Variants in KAZN observed in about 807,000 individuals in gnomAD.
The protein encoded by KAZN is kazrin, periplakin interacting protein, also known as kazrin.
In KAZN, 40 loss-of-function variants were observed where a neutral mutation model predicts 87.4. The observed-to-expected ratio is 0.46, with a 90% confidence interval of 0.36 to 0.60. The LOEUF is 0.60. Among genes scored for constraint, KAZN ranks in the 20% least tolerant of loss-of-function variants. KAZN has a pLI of 0.00. For synonymous variants in KAZN, 466 were observed against 458.3 expected, an observed-to-expected ratio of 1.02 and a Z score of -0.22; for missense variants, 898 against 1,073.9, an observed-to-expected ratio of 0.84 and a Z score of 2.29.
At chr1:14,371,366 A>G (rs1010535827) in intron 2 of KAZN, among the ~76,000 whole-genome samples, 2 of 152,158 alleles carry the variant, frequency 1.3e-5, no homozygotes, top group Admixed American at 6.5e-5. Flanking sequence ...CCCTCTTGCA[A>G]AAGTATTTCA....
At chr1:15,089,732 CAAAAAAAAAAAAAAAAAAAAAA>C (rs56260619) in intron 8 of KAZN, among the ~76,000 whole-genome samples, 1 of 68,916 alleles carries the variant, frequency 1.5e-5, no homozygotes, top group Non-Finnish European at 3.1e-5. Context: ...CTTTTATTGG[CAAAAAAAAAAAAAAAAAAAAAA>C]AAAAAAAAGA....
intron 1 of KAZN, among the ~76,000 whole-genome samples, chr1:14,126,622 A>C (rs1644874883): frequency 7.6e-6 from 1 of 132,202 alleles, no homozygotes; most frequent in Non-Finnish European, 1.6e-5. Context: ...ACAAATGCAA[A>C]AGTATGATAA....
At chr1:13,911,768 A>C (rs1639660865) in intron 1 of KAZN, among the ~76,000 whole-genome samples, 2 of 152,156 alleles carry the variant, frequency 1.3e-5, no homozygotes, top group South Asian at 4.1e-4. Flanking sequence ...TCCTTAAATA[A>C]AAAATGTTAT....
rs578158742 is a variant in KAZN at position 13,933,395 on chromosome 1, C to T, written c.91+39639C>T. Among the ~76,000 whole-genome samples, 6 of 152,104 alleles carry T rather than the reference C, an allele frequency of 3.9e-5. No individual in the cohort carries two copies. In the South Asian group the frequency reaches 6.2e-4, roughly 16 times the overall value. On this transcript the variant is annotated intron_variant, in intron 1 of 16. Transcript: ENST00000636203. ...TAATCCCAGCTACTCGGGAGGCTGA[C>T]GGAGGAGAATTGCTTGAACCCGGGA... is the stretch of plus-strand genomic sequence containing the variant.
At chr1:14,552,432 T>C (rs1673595893) in intron 2 of KAZN, among the ~76,000 whole-genome samples, 1 of 152,214 alleles carries the variant, frequency 6.6e-6, no homozygotes, top group African/African-American at 2.4e-5. Context: ...CGGCTCCCCT[T>C]CCGGCAACCG....
At position 14,924,630 on chromosome 1, in the gene KAZN, C is replaced by T. The variant is rs1027125300; in HGVS notation, c.227-36054C>T. The T allele has an allele frequency of 7.0e-5, 66 of 942,350 alleles. No homozygotes were observed. In the East Asian group the frequency reaches 3.6e-3, roughly 51 times the overall value. 58.4% of individuals were successfully genotyped at this position (942,350 alleles called of 1,614,324 possible). A position where few individuals can be genotyped will look rare whatever the true frequency, so the allele number is the denominator to read the frequency against. ...GCGCGGACACAGGCCCAGGAGCCGCCGGGGCCGGGCGCGCGAGGGCGCTCG... is the reference window on the plus strand; with the variant it reads ...GCGCGGACACAGGCCCAGGAGCCGCTGGGGCCGGGCGCGCGAGGGCGCTCG... On this transcript the variant is annotated intron_variant, in intron 1 of 14. Coordinates refer to ENST00000376030, the MANE Select transcript of KAZN (RefSeq NM_201628.3).
At chr1:14,332,833 T>G (rs1402456156) in intron 2 of KAZN, among the ~76,000 whole-genome samples, 2 of 152,008 alleles carry the variant, frequency 1.3e-5, no homozygotes, top group African/African-American at 4.8e-5. Flanking sequence ...AGGAAGTCAC[T>G]CTTAGGTGCT....
chr1:15,006,820 G>T (rs1669051281), intron 2 of KAZN, among the ~76,000 whole-genome samples: 1 of 152,076 alleles, frequency 6.6e-6, no homozygotes, highest in African/African-American at 2.4e-5. Context: ...ACTTTGGGAG[G>T]CCGAGGCAGG....
chr1:14,519,681 G>A (rs1671479062), intron 2 of KAZN, among the ~76,000 whole-genome samples: 1 of 152,166 alleles, frequency 6.6e-6, no homozygotes. Context: ...AGAGTAAGAG[G>A]GAAAACAGAG....
chr1:14,307,345 A>G (rs892049173), intron 2 of KAZN, among the ~76,000 whole-genome samples: 1 of 152,180 alleles, frequency 6.6e-6, no homozygotes, highest in African/African-American at 2.4e-5. Context: ...TTATTGGCTA[A>G]TTATAAAGTC....
chr1:14,962,910 C>T (rs61773642), intron 2 of KAZN, among the ~76,000 whole-genome samples: 1 of 152,148 alleles, frequency 6.6e-6, no homozygotes, highest in East Asian at 1.9e-4. Context: ...AGGCTACAAC[C>T]TAGCCTCTTT....
chr1:14,535,256 CT>C (rs1290676334), intron 2 of KAZN, among the ~76,000 whole-genome samples: 6 of 152,240 alleles, frequency 3.9e-5, no homozygotes, highest in African/African-American at 7.2e-5. Flanking sequence ...TGAGCCACCC[CT>C]ATGCCCCTTC....
intron 2 of KAZN, among the ~76,000 whole-genome samples, chr1:14,358,202 T>C (rs933961083): frequency 1.3e-5 from 2 of 152,210 alleles, no homozygotes; most frequent in Admixed American, 6.5e-5. Flanking sequence ...CTAGTTTATT[T>C]CCATAGAGGT....
In KAZN at chr1:15,089,901, T is replaced by C. The variant is rs370130877; in HGVS notation, c.1223-4279T>C. Reference sequence around the variant, plus strand: ...GAACATCTTACCTGAATTGCTGCAGTCCTGAAGAAGGAATTTCTTGGGGGC... The same window carrying C: ...GAACATCTTACCTGAATTGCTGCAGCCCTGAAGAAGGAATTTCTTGGGGGC... On this transcript the variant is annotated intron_variant, in intron 8 of 14. Coordinates refer to ENST00000376030, the MANE Select transcript of KAZN (RefSeq NM_201628.3). 6.6e-5 allele frequency among the ~76,000 whole-genome samples: 10 copies of C among 152,294 alleles called. No homozygotes were observed. In the East Asian group the frequency reaches 1.7e-3, roughly 26 times the overall value.
intron 2 of KAZN, among the ~76,000 whole-genome samples, chr1:14,401,210 G>A (rs1384109856): frequency 3.3e-5 from 5 of 152,108 alleles, no homozygotes. Context: ...CAGAAATGGA[G>A]AGAATATTCC....
In KAZN at chr1:15,094,938, G is replaced by A; in HGVS notation, c.1547+5G>A. 1 of 1,546,740 alleles carries A rather than the reference G, an allele frequency of 6.5e-7. No homozygotes were observed. The highest frequency in any genetic ancestry group is 8.7e-7 in the Non-Finnish European group (1 of 1,143,770). ...TGATGCCGAGGCAGGCCGCAGGTGA[G>A]CCCACCACGAGGGGCCCCGGGGGAG... is the stretch of plus-strand genomic sequence containing the variant. On this transcript the variant is annotated splice_donor_5th_base_variant and intron_variant, in intron 10 of 14. Coordinates refer to ENST00000376030, the MANE Select transcript of KAZN (RefSeq NM_201628.3). The surrounding 1 kb of genome is among the most constrained non-coding windows in gnomAD (Gnocchi z 4.5).
intron 2 of KAZN, among the ~76,000 whole-genome samples, chr1:14,413,946 G>C (rs1193857967): frequency 6.6e-6 from 1 of 152,164 alleles, no homozygotes; most frequent in African/African-American, 2.4e-5. Context: ...AAAAATGTTT[G>C]ACCTCATTAG....
At chr1:14,484,416 A>T (rs1258419245) in intron 2 of KAZN, among the ~76,000 whole-genome samples, 2 of 152,248 alleles carry the variant, frequency 1.3e-5, no homozygotes, top group African/African-American at 4.8e-5. Flanking sequence ...CCAGTCCACA[A>T]TATATTCGTG....
At chr1:14,405,606 A>ATGTGTGTG (rs111850452) in intron 2 of KAZN, among the ~76,000 whole-genome samples, 9,937 of 136,060 alleles carry the variant, frequency 0.073, 366 homozygotes, top group South Asian at 0.1. Context: ...ACCCAATAAA[A>ATGTGTGTG]TGTGTGTGTG....
Sources: gnomAD v4.1 joint callset for allele counts (sites outside exome capture counted in the v4.1 genomes callset) on GRCh38, gnomAD v4.1.1 for gene constraint, Gnocchi (gnomAD v3.1) non-coding constraint, MANE v1.5 for transcripts, NCBI Gene and HGNC (gene_info 2026-07-23, HGNC 2026-07-21) for gene names.